TMEM132B: variants seen among roughly 807,000 people sequenced by gnomAD.
TMEM132B encodes the protein transmembrane protein 132B.
A neutral mutation model predicts 90.8 loss-of-function variants in TMEM132B; 18 were observed. The observed-to-expected ratio is 0.20, with a 90% CI of 0.14 to 0.29. The LOEUF (loss-of-function observed/expected upper bound fraction) is 0.29. Among genes scored for constraint, TMEM132B ranks in the 10% least tolerant of loss-of-function variants. The pLI is 1.00. For missense variants in TMEM132B, 1,096 were observed against 1,326.8 expected (o/e 0.83, Z 2.70); for synonymous variants, 504 against 523.3 (o/e 0.96, Z 0.50).
At chr12:125,527,714 A>AAG (rs1883532534) in intron 4 of TMEM132B, among the ~76,000 whole-genome samples, 1 of 148,628 alleles carries the variant, frequency 6.7e-6, no homozygotes, top group African/African-American at 2.5e-5. Flanking sequence ...CCATCCACCC[A>AAG]TCCACCCTTC....
intron 4 of TMEM132B, among the ~76,000 whole-genome samples, chr12:125,577,526 ATTAT>A (rs1303738630): frequency 3.3e-5 from 5 of 149,864 alleles, no homozygotes; most frequent in Non-Finnish European, 5.9e-5. Context: ...TCAACATAAC[ATTAT>A]TTAATAGTAA....
chr12:125,472,001 C>G (rs1220737040), intron 3 of TMEM132B, among the ~76,000 whole-genome samples: 1 of 152,138 alleles, frequency 6.6e-6, no homozygotes, highest in Non-Finnish European at 1.5e-5. Flanking sequence ...TAATACCTGG[C>G]AGAGTCTCAG....
chr12:125,285,002 C>A (rs921260246), intron 1 of TMEM132B, among the ~76,000 whole-genome samples: 1 of 152,172 alleles, frequency 6.6e-6, no homozygotes, highest in African/African-American at 2.4e-5. Context: ...TCCTGGCCTG[C>A]ATGGAGCTGA....
intron 1 of TMEM132B, among the ~76,000 whole-genome samples, chr12:125,266,113 C>T (rs570345033): frequency 1.3e-5 from 2 of 152,208 alleles, no homozygotes; most frequent in South Asian, 2.1e-4. Context: ...TCTGTGATCC[C>T]AGCTACTAGG....
chr12:125,530,410 T>C (rs946007257), intron 4 of TMEM132B, among the ~76,000 whole-genome samples: 3 of 152,156 alleles, frequency 2.0e-5, no homozygotes, highest in Non-Finnish European at 2.9e-5. Flanking sequence ...TTTTACATCA[T>C]GTGCCAAATG....
intron 5 of TMEM132B, among the ~76,000 whole-genome samples, chr12:125,631,638 A>G (rs1886370628): frequency 2.6e-5 from 4 of 152,094 alleles, no homozygotes; most frequent in Non-Finnish European, 5.9e-5. Context: ...TAGTTCTAAT[A>G]GTATTTGCTT....
chr12:125,587,163 A>T (rs1187077708), intron 5 of TMEM132B: 1 of 143,896 alleles, frequency 6.9e-6, no homozygotes, highest in Non-Finnish European at 1.5e-5. Flanking sequence ...AGACTGGGAG[A>T]CTGCTGTACT....
At chr12:125,338,045 CT>C (rs1196291064) in intron 1 of TMEM132B, among the ~76,000 whole-genome samples, 3 of 152,222 alleles carry the variant, frequency 2.0e-5, no homozygotes, top group Non-Finnish European at 2.9e-5. Flanking sequence ...ACCTTCTTCC[CT>C]TTTTCACATT....
intron 1 of TMEM132B, among the ~76,000 whole-genome samples, chr12:125,247,866 C>T (rs1408364449): frequency 6.6e-6 from 1 of 152,160 alleles, no homozygotes; most frequent in Non-Finnish European, 1.5e-5. Context: ...TCCTTGCTGT[C>T]TCTTTTTTTT....
At chr12:125,633,980 C>G (rs947378400) in intron 5 of TMEM132B, among the ~76,000 whole-genome samples, 1 of 152,170 alleles carries the variant, frequency 6.6e-6, no homozygotes, top group Admixed American at 6.5e-5. Flanking sequence ...CAGCAGGTGG[C>G]AAAGTCAGCC....
Position 125,199,706 on chromosome 12 carries a change from C to T in TMEM132B, c.67+12840C>T, listed in dbSNP as rs116731714. On this transcript the variant is annotated intron_variant, in intron 1 of 8. Coordinates refer to ENST00000682704, the MANE Select transcript of TMEM132B (RefSeq NM_001366854.1). ...CATGAAGTACTTATGGACTCTCCCT[C>T]CTTTTTACCATTTCAAGGTTGTGAT... 8.7e-4 allele frequency among the ~76,000 whole-genome samples: 132 copies of T among 152,288 alleles called. 1 individual carries two copies. The highest frequency in any genetic ancestry group is 3.0e-3 in the African/African-American group (125 of 41,560).
Position 125,526,294 on chromosome 12 carries a change from C to T in TMEM132B, c.1293+6669C>T, listed in dbSNP as rs529500368. On this transcript the variant is annotated intron_variant, in intron 4 of 8. Coordinates refer to ENST00000682704, the MANE Select transcript of TMEM132B (RefSeq NM_001366854.1). ...ACCTTCCTAGGCCTGCTGGGCTCCT[C>T]GCACAGGGGTTGTCACTATCAGGAA... Among the ~76,000 whole-genome samples the T allele has an allele frequency of 2.4e-4, 36 of 152,290 alleles. No individual in the cohort carries two copies. In the East Asian group the frequency reaches 4.1e-3, roughly 17 times the overall value.
chr12:125,382,269 C>T (rs887461919), intron 2 of TMEM132B, among the ~76,000 whole-genome samples: 3 of 152,124 alleles, frequency 2.0e-5, no homozygotes, highest in Non-Finnish European at 1.5e-5. Context: ...TTCTTTTCTT[C>T]GAAGGTAAGT....
In TMEM132B at chr12:125,223,505, A is replaced by G. The variant is rs188284223; in HGVS notation, c.67+36639A>G. 1.2e-3 allele frequency among the ~76,000 whole-genome samples: 181 copies of G among 152,318 alleles called. 1 individual carries two copies. The highest frequency in any genetic ancestry group is 4.0e-3 in the African/African-American group (167 of 41,574). ...TCATGCCTTAACTTTTTTGTGGTAA[A>G]ATACACACAACATAAAATCCATCAT... On this transcript the variant is annotated intron_variant, in intron 1 of 8. Coordinates refer to ENST00000682704, the MANE Select transcript of TMEM132B (RefSeq NM_001366854.1).
intron 1 of TMEM132B, among the ~76,000 whole-genome samples, chr12:125,266,568 C>G (rs1261536109): frequency 6.6e-6 from 1 of 152,214 alleles, no homozygotes; most frequent in East Asian, 1.9e-4. Flanking sequence ...TCACAGAGAT[C>G]AAGTAATTGC....
Position 125,415,421 on chromosome 12 carries a change from C to A in TMEM132B, c.960-110C>A. ...CCCCACATCTCCCAGAGGAAGGGGG[C>A]GATGTTACAGATGCTTTCCCAGTGA... On this transcript the variant is annotated intron_variant, in intron 2 of 8. Transcript: ENST00000682704. This position sits in a 1 kb window ranked among gnomAD's most constrained non-coding sequence, Gnocchi z 5.3. 2 of 1,315,982 alleles carry A rather than the reference C, an allele frequency of 1.5e-6. No individual in the cohort carries two copies. The highest frequency in any genetic ancestry group is 2.1e-6 in the Non-Finnish European group (2 of 969,376). The allele number at this position is 1,315,982 out of a possible 1,614,324, so 81.5% of individuals were successfully genotyped here. A position where few individuals can be genotyped will look rare whatever the true frequency, so the allele number is the denominator to read the frequency against.
At chr12:125,192,470 C>A (rs1372176276) in intron 1 of TMEM132B, among the ~76,000 whole-genome samples, 1 of 79,258 alleles carries the variant, frequency 1.3e-5, no homozygotes, top group Non-Finnish European at 3.1e-5. Flanking sequence ...GGAGAATTTT[C>A]CCCTCCCCCA....
intron 3 of TMEM132B, among the ~76,000 whole-genome samples, chr12:125,454,570 T>C (rs954579274): frequency 1.5e-4 from 23 of 152,236 alleles, no homozygotes; most frequent in Non-Finnish European, 3.2e-4. Flanking sequence ...AGAGCTGTGA[T>C]AGCAAACATC....
chr12:125,321,154 T>G lies in TMEM132B; in HGVS notation c.68-28298T>G, dbSNP rs188312840. Among the ~76,000 whole-genome samples the G allele has an allele frequency of 2.1e-3, 316 of 152,344 alleles. 1 individual carries two copies. Among genetic ancestry groups the G allele is most frequent in the African/African-American group, 7.4e-3 (308 of 41,574 alleles). ...GTGCTGGATCTGGATACATGCAATG[T>G]AGACCAAAGAAGTGGTAGATTTTTC... is the stretch of plus-strand genomic sequence containing the variant. On this transcript the variant is annotated intron_variant, in intron 1 of 8. Coordinates refer to ENST00000682704, the MANE Select transcript of TMEM132B (RefSeq NM_001366854.1).
Sources: allele counts gnomAD v4.1 joint callset (sites outside exome capture counted in the v4.1 genomes callset), GRCh38; gene constraint gnomAD v4.1.1; non-coding constraint Gnocchi (gnomAD v3.1); transcripts MANE v1.5; gene names NCBI Gene and HGNC (gene_info 2026-07-23, HGNC 2026-07-21).